Variants in LOC114841035 observed in about 807,000 individuals in gnomAD.
chr11:64,243,714 C>G, the LOC114841035 span: 1 of 1,366,972 alleles, frequency 7.3e-7, no homozygotes. Context: ...TTTGGCACCC[C>G]CTTCCCATCT....
chr11:64,242,346 C>T, the LOC114841035 span: 2 of 1,472,970 alleles, frequency 1.4e-6, no homozygotes, highest in Non-Finnish European at 1.8e-6. Flanking sequence ...CCTGCCCTCC[C>T]CCACGTTCAG....
the LOC114841035 span, chr11:64,243,982 G>C: frequency 5.6e-6 from 9 of 1,613,904 alleles, no homozygotes; most frequent in Middle Eastern, 8.2e-4. Flanking sequence ...TGCAACCCTG[G>C]TGTTCGAGGT....
the LOC114841035 span, chr11:64,243,478 G>A: frequency 6.2e-7 from 1 of 1,613,972 alleles, no homozygotes; most frequent in Non-Finnish European, 8.5e-7. Context: ...AGCGCAAGCT[G>A]GTGATCCCAT....
At chr11:64,242,847 G>T in the LOC114841035 span, among the ~76,000 whole-genome samples, 3 of 152,190 alleles carry the variant, frequency 2.0e-5, no homozygotes, top group Non-Finnish European at 4.4e-5. Flanking sequence ...AGGCCGAGGC[G>T]GGTGGATCAC....
chr11:64,241,972 G>C, the LOC114841035 span: 2 of 160,554 alleles, frequency 1.2e-5, no homozygotes, highest in Non-Finnish European at 2.7e-5. Flanking sequence ...TGGTGTGCTG[G>C]ACCGGGGGCA....
chr11:64,243,276 C>G, the LOC114841035 span: 1 of 1,610,710 alleles, frequency 6.2e-7, no homozygotes, highest in Admixed American at 1.7e-5. Flanking sequence ...TTGGCACAGG[C>G]CAGGTCATCA....
the LOC114841035 span, chr11:64,243,392 A>T: frequency 8.7e-6 from 14 of 1,610,350 alleles, no homozygotes; most frequent in Admixed American, 2.3e-4. Context: ...GGCAAGCCCC[A>T]GGGATACAAG....
chr11:64,242,940 C>T, the LOC114841035 span, among the ~76,000 whole-genome samples: 37 of 152,178 alleles, frequency 2.4e-4, 1 homozygote, highest in Non-Finnish European at 1.6e-4. Context: ...GGCGTGGTGG[C>T]GGGCGCCTAT....
At chr11:64,244,112 A>G in the LOC114841035 span, 1 of 1,487,868 alleles carries the variant, frequency 6.7e-7, no homozygotes, top group East Asian at 2.3e-5. Flanking sequence ...AAAACAAACA[A>G]AAAAACACTT....
the LOC114841035 span, chr11:64,243,204 G>C: frequency 6.2e-7 from 1 of 1,613,578 alleles, no homozygotes; most frequent in South Asian, 1.1e-5. Context: ...CACAGGGGAA[G>C]CTGGAAGATG....
the LOC114841035 span, chr11:64,243,754 T>A: frequency 1.3e-6 from 2 of 1,565,290 alleles, no homozygotes; most frequent in Admixed American, 3.3e-5. Context: ...CTGGCCTTCT[T>A]GCTGAGAGGG....
chr11:64,243,465 A>G, the LOC114841035 span: 4 of 1,613,886 alleles, frequency 2.5e-6, no homozygotes, highest in Admixed American at 6.7e-5. Context: ...TGTGAGGGGG[A>G]AAAGCGCAAG....
chr11:64,242,341 C>T, the LOC114841035 span: 1 of 1,467,104 alleles, frequency 6.8e-7, no homozygotes, highest in Non-Finnish European at 9.0e-7. Context: ...CTCTCCCTGC[C>T]CTCCCCCACG....
the LOC114841035 span, chr11:64,243,090 C>G: frequency 2.1e-6 from 2 of 960,814 alleles, no homozygotes; most frequent in East Asian, 4.9e-5. Flanking sequence ...GGACTGACCA[C>G]CAGGGCTGTG....
the LOC114841035 span, chr11:64,242,593 G>A: frequency 1.2e-5 from 18 of 1,521,260 alleles, no homozygotes; most frequent in South Asian, 2.3e-4. Context: ...GGGAGTGGGT[G>A]GGGCTTCCGA....
the LOC114841035 span, chr11:64,242,469 A>T: frequency 6.5e-7 from 1 of 1,550,214 alleles, no homozygotes; most frequent in Non-Finnish European, 8.7e-7. Context: ...GGCCGAGGGC[A>T]AAAGGAAGCT....
the LOC114841035 span, chr11:64,242,256 G>A: frequency 1.0e-5 from 10 of 960,156 alleles, no homozygotes; most frequent in Admixed American, 3.8e-5. Context: ...CGGTGACCCG[G>A]GACAAAGGGG....
the LOC114841035 span, chr11:64,244,102 A>G: frequency 2.6e-6 from 4 of 1,536,916 alleles, no homozygotes; most frequent in Non-Finnish European, 3.6e-6. Context: ...ACAAAAAACA[A>G]AAACAAACAA....
chr11:64,243,851 G>A, the LOC114841035 span: 1 of 1,614,156 alleles, frequency 6.2e-7, no homozygotes, highest in African/African-American at 1.3e-5. Flanking sequence ...GGTATGGAGA[G>A]CGGGGAGCTC....
Sources: gnomAD v4.1 joint callset for allele counts (sites outside exome capture counted in the v4.1 genomes callset) on GRCh38, gnomAD v4.1.1 for gene constraint, MANE v1.5 for transcripts.